Variants in ZNF736 observed in about 807,000 individuals in gnomAD.
ZNF736 encodes the protein KRAB-containing zinc-finger repressor protein.
In ZNF736, 6 loss-of-function variants were observed where a neutral mutation model predicts 11.7. The ratio of observed to expected loss-of-function variants is 0.51; its 90% CI spans 0.28 to 1.01. The LOEUF (loss-of-function observed/expected upper bound fraction) is 1.01, where lower values mean the gene tolerates loss of function less well. Ranked by LOEUF, ZNF736 falls within the 50% of genes least tolerant of loss-of-function variation. ZNF736 has a pLI of 0.09. For synonymous variants in ZNF736, 139 were observed against 164.7 expected, an observed-to-expected ratio of 0.84 and a Z score of 1.19; for missense variants, 444 against 496.0, an observed-to-expected ratio of 0.90 and a Z score of 1.00.
At chr7:64,338,695 A>G (rs1197286508) in intron 3 of ZNF736, among the ~76,000 whole-genome samples, 1 of 149,826 alleles carries the variant, frequency 6.7e-6, no homozygotes, top group East Asian at 2.0e-4. Flanking sequence ...GCTGAATAAT[A>G]TTCTATTTTG....
intron 3 of ZNF736, among the ~76,000 whole-genome samples, chr7:64,347,356 G>T (rs905180778): frequency 1.3e-5 from 2 of 150,848 alleles, no homozygotes; most frequent in Non-Finnish European, 2.9e-5. Flanking sequence ...CTCCCAAGTA[G>T]CTGGGATTAC....
intron 3 of ZNF736, 82 bp from the exon 4 acceptor site, chr7:64,348,008 A>T: frequency 8.6e-7 from 1 of 1,158,064 alleles, no homozygotes; most frequent in Non-Finnish European, 1.2e-6. Context: ...TTATCGTTTT[A>T]TTAATTGCTT....
rs1385486512 is a variant in ZNF736 at position 64,349,000 on chromosome 7, G to A, written c.1137G>A (p.Lys379=). The A allele has an allele frequency of 1.9e-6, 3 of 1,592,570 alleles. No homozygotes were observed. Among genetic ancestry groups the A allele is most frequent in the African/African-American group, 1.3e-5 (1 of 74,154 alleles). Residue 379 remains lysine (K), a synonymous_variant, in exon 4 of 4, where the codon AAG becomes AAA. Transcript: ENST00000423484. ...GTGAAGAATGCAGCAAAACCTTTAA[G>A]TGCTTCTCAGACCTGACTAATCATA... ...YKCEECSKTF[K]CFSDLTNHKR...
intron 3 of ZNF736, among the ~76,000 whole-genome samples, chr7:64,343,004 A>G (rs927933188): frequency 2.0e-5 from 3 of 152,278 alleles, no homozygotes; most frequent in Admixed American, 6.5e-5. Flanking sequence ...TAATGACATA[A>G]TAAGTATGTC....
chr7:64,331,727 C>T (rs770492326), intron 1 of ZNF736, among the ~76,000 whole-genome samples: 1 of 152,142 alleles, frequency 6.6e-6, no homozygotes, highest in African/African-American at 2.4e-5. Flanking sequence ...GATACATTCA[C>T]GAGAGGTGAG....
At chr7:64,343,758 G>A (rs1417260551) in intron 3 of ZNF736, among the ~76,000 whole-genome samples, 1 of 152,078 alleles carries the variant, frequency 6.6e-6, no homozygotes, top group African/African-American at 2.4e-5. Flanking sequence ...AGTAGCCTAT[G>A]TCACATTAAT....
chr7:64,346,359 C>T (rs1322173064), intron 3 of ZNF736, among the ~76,000 whole-genome samples: 1 of 150,830 alleles, frequency 6.6e-6, no homozygotes, highest in Non-Finnish European at 1.5e-5. Flanking sequence ...AAGTGAATCT[C>T]TTGAAGACAT....
At position 64,354,752 on chromosome 7, in the gene ZNF736, T is replaced by C. The variant is rs1789533209; in HGVS notation, c.*5605T>C. ...TATTTAGTGTATTTTATATTTTGTT[T>C]CAATTAGAGAATGCTATTGAATCCA... On this transcript the variant is annotated 3_prime_UTR_variant, in exon 4 of 4. Coordinates refer to ENST00000423484, the MANE Select transcript of ZNF736 (RefSeq NM_001170905.3). 1 of 152,246 alleles carries C rather than the reference T, an allele frequency of 6.6e-6. No individual in the cohort carries two copies. Among genetic ancestry groups the C allele is most frequent in the South Asian group, 2.1e-4 (1 of 4,834 alleles). The allele number at this position is 152,246 out of a possible 1,614,324, so 9.4% of individuals were successfully genotyped here.
rs1789462377 is a variant in ZNF736 at position 64,349,837 on chromosome 7, A to G, written c.*690A>G. On this transcript the variant is annotated 3_prime_UTR_variant, in exon 4 of 4. Coordinates refer to ENST00000423484, the MANE Select transcript of ZNF736 (RefSeq NM_001170905.3). ...TGAAGCTTACCTTGGTCAGATATGA[A>G]ATTCTGTGTTGGAATTCTTTTTTTA... The G allele has an allele frequency of 6.6e-6, 1 of 152,248 alleles. No homozygotes were observed. The highest frequency in any genetic ancestry group is 2.4e-5 in the African/African-American group (1 of 41,440). The allele number at this position is 152,248 out of a possible 1,614,324, so 9.4% of individuals were successfully genotyped here.
At chr7:64,319,888 TG>T (rs1231383795) in intron 1 of ZNF736, among the ~76,000 whole-genome samples, 1 of 152,176 alleles carries the variant, frequency 6.6e-6, no homozygotes, top group East Asian at 1.9e-4. Flanking sequence ...GGGGCATTTT[TG>T]TTTACTGGAG....
chr7:64,343,795 CAT>C (rs1789371389), intron 3 of ZNF736, among the ~76,000 whole-genome samples: 1 of 151,894 alleles, frequency 6.6e-6, no homozygotes, highest in African/African-American at 2.4e-5. Flanking sequence ...TTTTATGTAT[CAT>C]AATTTTATAT....
At position 64,314,021 on chromosome 7, in the gene ZNF736, G is replaced by C; in HGVS notation, c.-130G>C. 7.7e-7 allele frequency: 1 copy of C among 1,293,148 alleles called. No individual in the cohort carries two copies. The highest frequency in any genetic ancestry group is 1.1e-6 in the Non-Finnish European group (1 of 918,146). The allele number at this position is 1,293,148 out of a possible 1,614,324, so 80.1% of individuals were successfully genotyped here. A position where few individuals can be genotyped will look rare whatever the true frequency, so the allele number is the denominator to read the frequency against. ...AGCTTCCGGGCTCTGATCCTAGTTC[G>C]CGTCTCCACTGTTCCATCTCCTCCG... On this transcript the variant is annotated 5_prime_UTR_variant, in exon 1 of 4. Transcript: ENST00000423484.
intron 1 of ZNF736, among the ~76,000 whole-genome samples, chr7:64,335,517 T>A (rs1328827729): frequency 6.6e-6 from 1 of 152,214 alleles, no homozygotes; most frequent in Non-Finnish European, 1.5e-5. Flanking sequence ...ATTTATTTAC[T>A]TGGTAAATAC....
Position 64,351,031 on chromosome 7 carries a change from G to A in ZNF736, c.*1884G>A, listed in dbSNP as rs1789479168. The A allele has an allele frequency of 6.5e-6, 1 of 152,848 alleles. No homozygotes were observed. Among genetic ancestry groups the A allele is most frequent in the Non-Finnish European group, 1.5e-5 (1 of 68,584 alleles). The allele number at this position is 152,848 out of a possible 1,614,324, so 9.5% of individuals were successfully genotyped here. A position where few individuals can be genotyped will look rare whatever the true frequency, so the allele number is the denominator to read the frequency against. On this transcript the variant is annotated 3_prime_UTR_variant, in exon 4 of 4. Transcript: ENST00000423484. ...GGCAGGAGCAAAGCAGCTGGGAAGG[G>A]AGTGGGGGATACCTGCTGGAGGCTG...
intron 3 of ZNF736, among the ~76,000 whole-genome samples, chr7:64,341,060 A>G (rs1398483596): frequency 4.0e-5 from 6 of 151,798 alleles, no homozygotes; most frequent in African/African-American, 9.7e-5. Flanking sequence ...TCATGACTCA[A>G]TGTTTATAAA....
At chr7:64,315,902 G>A (rs1163146114) in intron 1 of ZNF736, among the ~76,000 whole-genome samples, 1 of 152,068 alleles carries the variant, frequency 6.6e-6, no homozygotes, top group Non-Finnish European at 1.5e-5. Context: ...TAACAGAGCC[G>A]TGGGTGGCTC....
chr7:64,332,613 G>C (rs562179232), intron 1 of ZNF736, among the ~76,000 whole-genome samples: 2 of 152,018 alleles, frequency 1.3e-5, no homozygotes, highest in Admixed American at 6.6e-5. Context: ...AAATTTACCC[G>C]GGCAGAGTTT....
chr7:64,325,828 G>T (rs1297768841), intron 1 of ZNF736, among the ~76,000 whole-genome samples: 3 of 151,982 alleles, frequency 2.0e-5, no homozygotes, highest in Admixed American at 2.0e-4. Context: ...AAATGTAAAT[G>T]GATTACCTTT....
At chr7:64,318,533 C>A (rs1788948391) in intron 1 of ZNF736, among the ~76,000 whole-genome samples, 1 of 151,932 alleles carries the variant, frequency 6.6e-6, no homozygotes, top group Non-Finnish European at 1.5e-5. Context: ...TTTTATATTA[C>A]CATGTTGGGC....
Sources: allele counts gnomAD v4.1 joint callset (sites outside exome capture counted in the v4.1 genomes callset), GRCh38; gene constraint gnomAD v4.1.1; transcripts MANE v1.5; gene names NCBI Gene and HGNC (gene_info 2026-07-23, HGNC 2026-07-21).